The following IQCH variants were observed in gnomAD, a reference collection of about 807,000 sequenced individuals.
The protein encoded by IQCH is IQ motif containing H, also known as IQ domain-containing protein H.
A neutral mutation model predicts 117.0 loss-of-function variants in IQCH; 98 were observed. That is an observed-to-expected ratio of 0.84 (90% CI 0.71 to 0.99). The LOEUF (loss-of-function observed/expected upper bound fraction) is 0.99. Among genes scored for constraint, IQCH ranks in the 50% least tolerant of loss-of-function variants. The probability of loss-of-function intolerance (pLI) is 0.00; values close to 1 mark genes in which losing one functional copy is unlikely to be tolerated. For missense variants in IQCH, 1,102 were observed against 1,243.8 expected, an observed-to-expected ratio of 0.89 and a Z score of 1.72; for synonymous variants, 412 against 448.2, an observed-to-expected ratio of 0.92 and a Z score of 1.02.
In IQCH at chr15:67,465,824, G is replaced by A. The variant is rs187071897; in HGVS notation, c.2676+527G>A. On this transcript the variant is annotated intron_variant, in intron 17 of 20. Coordinates refer to ENST00000335894, the MANE Select transcript of IQCH (RefSeq NM_001031715.3). This position sits in a 1 kb window ranked among gnomAD's most constrained non-coding sequence, Gnocchi z 5.9. ...AGCAGGGCGTGTTGAGTCTAGCTAC[G>A]AAAATGCCACTAACCTGACCCCTCC... Among the ~76,000 whole-genome samples the A allele has an allele frequency of 1.4e-3, 212 of 152,254 alleles. No homozygotes were observed. Among genetic ancestry groups the A allele is most frequent in the Non-Finnish European group, 1.2e-3 (79 of 68,020 alleles).
intron 4 of IQCH, among the ~76,000 whole-genome samples, chr15:67,311,189 T>C (rs548818209): frequency 6.6e-6 from 1 of 152,228 alleles, no homozygotes; most frequent in East Asian, 1.9e-4. Context: ...CCCAATTGAC[T>C]ACTTACCAAC....
intron 18 of IQCH, among the ~76,000 whole-genome samples, chr15:67,488,881 G>T (rs1162928924): frequency 1.3e-5 from 2 of 152,030 alleles, no homozygotes. Flanking sequence ...CCTGCTGTGT[G>T]GCCCGGTTCC....
At chr15:67,254,982 C>G (rs756208281) in intron 1 of IQCH, 35 bp downstream of exon 1, 2 of 1,599,454 alleles carry the variant, frequency 1.3e-6, no homozygotes, top group South Asian at 2.2e-5. Context: ...CTGCCCTGCC[C>G]AGCCGCGCCA....
At chr15:67,281,487 A>G in intron 4 of IQCH, 1 of 324,408 alleles carries the variant, frequency 3.1e-6, no homozygotes, top group South Asian at 2.5e-5. Context: ...CAGTGGCAAA[A>G]CAGGTTATAA....
intron 10 of IQCH, among the ~76,000 whole-genome samples, chr15:67,377,061 G>A (rs1970759660): frequency 6.9e-6 from 1 of 145,372 alleles, no homozygotes; most frequent in Non-Finnish European, 1.5e-5. Flanking sequence ...AGGTTGCAGT[G>A]AGCCGAGATC....
rs1242386476 is a variant in IQCH, at chr15:67,366,371, A to G, written c.754-5740A>G. Among the ~76,000 whole-genome samples, 1 of 152,248 alleles carries G rather than the reference A, an allele frequency of 6.6e-6. No individual in the cohort carries two copies. The highest frequency in any genetic ancestry group is 2.4e-5 in the African/African-American group (1 of 41,466). ...TAGAAGGAAATTTCACATTTGACTG[A>G]AAATAGACCATCTATTTACAAAATC... is the stretch of plus-strand genomic sequence containing the variant. On this transcript the variant is annotated intron_variant, in intron 8 of 20. Transcript: ENST00000335894. This position sits in a 1 kb window ranked among gnomAD's most constrained non-coding sequence, Gnocchi z 4.4.
At position 67,490,097 on chromosome 15, in the gene IQCH, A is replaced by T. The variant is rs966143755; in HGVS notation, c.2861+33A>T. 7 of 1,277,298 alleles carry T rather than the reference A, an allele frequency of 5.5e-6. No individual in the cohort carries two copies. Among genetic ancestry groups the T allele is most frequent in the Non-Finnish European group, 7.5e-6 (7 of 927,816 alleles). 79.1% of individuals were successfully genotyped at this position (1,277,298 alleles called of 1,614,324 possible). On this transcript the variant is annotated intron_variant, in intron 19 of 20. Coordinates refer to ENST00000335894, the MANE Select transcript of IQCH (RefSeq NM_001031715.3). This position sits in a 1 kb window ranked among gnomAD's most constrained non-coding sequence, Gnocchi z 4.9. The stretch of plus-strand genomic sequence containing the variant: ...TGAAGTGTATCTGTGAGTTGCAATA[A>T]GCTAAGGAAATAGACAATCACAACT...
chr15:67,465,448 T>G lies in IQCH; in HGVS notation c.2676+151T>G. The G allele has an allele frequency of 1.3e-6, 1 of 771,370 alleles. No homozygotes were observed. Among genetic ancestry groups the G allele is most frequent in the Non-Finnish European group, 2.0e-6 (1 of 492,958 alleles). 47.8% of individuals were successfully genotyped at this position (771,370 alleles called of 1,614,324 possible). A position where few individuals can be genotyped will look rare whatever the true frequency, so the allele number is the denominator to read the frequency against. On this transcript the variant is annotated intron_variant, in intron 17 of 20. Coordinates refer to ENST00000335894, the MANE Select transcript of IQCH (RefSeq NM_001031715.3). This position sits in a 1 kb window ranked among gnomAD's most constrained non-coding sequence, Gnocchi z 5.9. ...GACTTGTCTGAGCAGGGTCTGGAAA[T>G]GCGAATGTGTTGGTCAGAGGAAAGG...
At chr15:67,357,981 C>A (rs1969965852) in intron 7 of IQCH, among the ~76,000 whole-genome samples, 2 of 151,724 alleles carry the variant, frequency 1.3e-5, no homozygotes, top group Non-Finnish European at 2.9e-5. Flanking sequence ...GTCTCAGCCT[C>A]CCAGGTAGCT....
intron 4 of IQCH, chr15:67,281,962 C>T (rs1671072223): frequency 2.8e-6 from 1 of 354,046 alleles, no homozygotes; most frequent in African/African-American, 2.1e-5. Context: ...TACATTGGGT[C>T]TGTCAGCCAC....
At chr15:67,303,004 C>T (rs1234993019) in intron 4 of IQCH, among the ~76,000 whole-genome samples, 1 of 152,164 alleles carries the variant, frequency 6.6e-6, no homozygotes, top group East Asian at 1.9e-4. Context: ...TTCACTTTGA[C>T]CTTAGGCACA....
chr15:67,297,507 A>T (rs1195814636), intron 4 of IQCH, among the ~76,000 whole-genome samples: 1 of 152,144 alleles, frequency 6.6e-6, no homozygotes, highest in African/African-American at 2.4e-5. Flanking sequence ...ATTTTCTGTT[A>T]TATAATCTCA....
intron 10 of IQCH, 100 bp downstream of exon 10, chr15:67,373,533 T>C (rs764449234): frequency 6.4e-5 from 53 of 829,308 alleles, no homozygotes; most frequent in Non-Finnish European, 1.0e-4. Context: ...TTTATTCAAA[T>C]TGGTCTCGGC....
chr15:67,353,362 A>T (rs865973650), intron 6 of IQCH, among the ~76,000 whole-genome samples: 3,202 of 148,424 alleles, frequency 0.022, 136 homozygotes, highest in African/African-American at 0.076. Context: ...ATATTTATTT[A>T]TTTTTTTTTT....
At chr15:67,299,518 C>T (rs1653516534) in intron 4 of IQCH, among the ~76,000 whole-genome samples, 1 of 151,978 alleles carries the variant, frequency 6.6e-6, no homozygotes, top group African/African-American at 2.4e-5. Context: ...GTAATTATTA[C>T]TCATTATATG....
At chr15:67,280,814 T>C (rs1966322196) in intron 4 of IQCH, among the ~76,000 whole-genome samples, 1 of 147,936 alleles carries the variant, frequency 6.8e-6, no homozygotes, top group Non-Finnish European at 1.5e-5. Flanking sequence ...TGTTTGAACT[T>C]CAGAACAATC....
At position 67,254,821 on chromosome 15, in the gene IQCH, G is replaced by C; in HGVS notation, c.-76G>C. On this transcript the variant is annotated 5_prime_UTR_variant, in exon 1 of 21. Coordinates refer to ENST00000335894, the MANE Select transcript of IQCH (RefSeq NM_001031715.3). The stretch of plus-strand genomic sequence containing the variant: ...AGGTCGCGCGCGGTGTTGCCATGGG[G>C]ACGAGCGGCTCCGGCTGAAGGTTTC... The C allele has an allele frequency of 6.7e-7, 1 of 1,500,650 alleles. No individual in the cohort carries two copies. Among genetic ancestry groups the C allele is most frequent in the Non-Finnish European group, 9.1e-7 (1 of 1,093,056 alleles). 93.0% of individuals were successfully genotyped at this position (1,500,650 alleles called of 1,614,324 possible). A position where few individuals can be genotyped will look rare whatever the true frequency, so the allele number is the denominator to read the frequency against.
In IQCH at chr15:67,388,742, T is replaced by G; in HGVS notation, c.1457-89T>G. ...CCTGGGTTTTGGATATGCTCTTTATTTTAAACTGCACAACACCAATCGGAT... is the reference window on the plus strand; with the variant it reads ...CCTGGGTTTTGGATATGCTCTTTATGTTAAACTGCACAACACCAATCGGAT... On this transcript the variant is annotated intron_variant, in intron 11 of 20. Coordinates refer to ENST00000335894, the MANE Select transcript of IQCH (RefSeq NM_001031715.3). This position sits in a 1 kb window ranked among gnomAD's most constrained non-coding sequence, Gnocchi z 5.5. 3.4e-6 allele frequency: 4 copies of G among 1,168,976 alleles called. No individual in the cohort carries two copies. 72.4% of individuals were successfully genotyped at this position (1,168,976 alleles called of 1,614,324 possible).
At chr15:67,423,095 GT>G (rs2081790968) in intron 16 of IQCH, among the ~76,000 whole-genome samples, 1 of 152,126 alleles carries the variant, frequency 6.6e-6, no homozygotes, top group African/African-American at 2.4e-5. Context: ...CCCTCCATTG[GT>G]TTTACATTCT....
Sources: gnomAD v4.1 joint callset for allele counts (sites outside exome capture counted in the v4.1 genomes callset) on GRCh38, gnomAD v4.1.1 for gene constraint, Gnocchi (gnomAD v3.1) non-coding constraint, MANE v1.5 for transcripts, NCBI Gene and HGNC (gene_info 2026-07-23, HGNC 2026-07-21) for gene names.